The following PCDHA5 variants were observed in gnomAD, a reference collection of about 807,000 sequenced individuals.
PCDHA5 encodes protocadherin alpha 5.
PCDHA5 carries 43 observed loss-of-function variants against 61.6 expected under a neutral mutation model. That is an observed-to-expected ratio of 0.70 (90% CI 0.55 to 0.90). PCDHA5 has a LOEUF of 0.90. PCDHA5 is among the 40% of genes least tolerant of loss of function. PCDHA5 has a pLI of 0.00. For missense variants in PCDHA5, 1,298 were observed against 1,222.7 expected (o/e 1.06, Z -0.92); for synonymous variants, 627 against 543.9 (o/e 1.15, Z -2.13).
At chr5:140,971,615 G>C (rs2096488487) in intron 1 of PCDHA5, among the ~76,000 whole-genome samples, 1 of 152,030 alleles carries the variant, frequency 6.6e-6, no homozygotes, top group East Asian at 1.9e-4. Flanking sequence ...GGAGAGTCCT[G>C]GGGTACAATT....
At chr5:140,884,148 A>G in intron 1 of PCDHA5, 3 of 1,613,432 alleles carry the variant, frequency 1.9e-6, no homozygotes, top group Non-Finnish European at 2.5e-6. Context: ...GTGGGGCTGT[A>G]CACTGGCGAG....
chr5:140,948,189 G>A (rs1032631604), intron 1 of PCDHA5, among the ~76,000 whole-genome samples: 4 of 151,532 alleles, frequency 2.6e-5, no homozygotes, highest in African/African-American at 9.7e-5. Context: ...ATCCCACTTA[G>A]TCATGATATA....
chr5:140,829,380 G>A, intron 1 of PCDHA5: 1 of 1,614,112 alleles, frequency 6.2e-7, no homozygotes, highest in Non-Finnish European at 8.5e-7. Flanking sequence ...GCGCGGGACG[G>A]GGGCTCGCCT....
At chr5:140,856,372 C>T in intron 1 of PCDHA5, 3 of 1,598,462 alleles carry the variant, frequency 1.9e-6, no homozygotes, top group Non-Finnish European at 2.6e-6. Context: ...TGGAGGTGAT[C>T]GTGGACAGGC....
intron 3 of PCDHA5, among the ~76,000 whole-genome samples, chr5:140,995,404 A>G (rs941348184): frequency 1.3e-5 from 2 of 152,184 alleles, no homozygotes; most frequent in Admixed American, 6.5e-5. Flanking sequence ...ATGGCTCGAG[A>G]TTTCATCACA....
At chr5:140,985,945 T>C (rs1432402407) in intron 3 of PCDHA5, among the ~76,000 whole-genome samples, 1 of 152,080 alleles carries the variant, frequency 6.6e-6, no homozygotes, top group Non-Finnish European at 1.5e-5. Flanking sequence ...TTCACTGTGT[T>C]AGCCAGGATG....
At chr5:140,985,217 G>A (rs1196051994) in intron 3 of PCDHA5, among the ~76,000 whole-genome samples, 3 of 152,206 alleles carry the variant, frequency 2.0e-5, no homozygotes, top group Admixed American at 1.3e-4. Context: ...GATTACAGGC[G>A]TGAGCCACCG....
In PCDHA5 at chr5:141,010,358, C is replaced by G; in HGVS notation, c.*421C>G. 1 of 1,488,620 alleles carries G rather than the reference C, an allele frequency of 6.7e-7. No homozygotes were observed. The highest frequency in any genetic ancestry group is 1.3e-5 in the South Asian group (1 of 76,158). 92.2% of individuals were successfully genotyped at this position (1,488,620 alleles called of 1,614,324 possible). On this transcript the variant is annotated 3_prime_UTR_variant, in exon 4 of 4. Transcript: ENST00000529859. ...GTGGCCACTGGGTATGTGTGGCTAC[C>G]GCGGGTATGCGAGTGCCAGATATTG...
chr5:140,834,241 G>C, intron 1 of PCDHA5: 1 of 811,066 alleles, frequency 1.2e-6, no homozygotes, highest in Non-Finnish European at 1.9e-6. Flanking sequence ...ATTCCTTTTC[G>C]CACTGGAAAG....
intron 1 of PCDHA5, among the ~76,000 whole-genome samples, chr5:140,855,276 C>T (rs991955993): frequency 1.3e-5 from 2 of 149,614 alleles, no homozygotes; most frequent in Non-Finnish European, 3.0e-5. Flanking sequence ...CACTCAACCA[C>T]CGTATTACTA....
Position 140,915,626 on chromosome 5 carries a change from G to GTCTCTCTC in PCDHA5, c.2353-63300_2353-63293dup, listed in dbSNP as rs57920489. Among the ~76,000 whole-genome samples the GTCTCTCTC allele has an allele frequency of 4.4e-3, 648 of 146,532 alleles. 6 individuals carry two copies. Among genetic ancestry groups the GTCTCTCTC allele is most frequent in the East Asian group, 0.011 (51 of 4,846 alleles). Reference sequence around the variant, plus strand: ...ACTTTCTGTCAAACAGTCTCTTTCTGTCTCTCTCTCTCTCTCTCTCTCTCT... The same window carrying GTCTCTCTC: ...ACTTTCTGTCAAACAGTCTCTTTCTGTCTCTCTCTCTCTCTCTCTCTCTCTCTCTCTCT... On this transcript the variant is annotated intron_variant, in intron 1 of 3. Transcript: ENST00000529859.
At chr5:140,919,359 G>T (rs188480486) in intron 1 of PCDHA5, among the ~76,000 whole-genome samples, 3 of 152,146 alleles carry the variant, frequency 2.0e-5, no homozygotes, top group African/African-American at 7.2e-5. Context: ...ATCTAAAAGT[G>T]TCTCCTGCAG....
rs1476497862 is a variant in PCDHA5 at position 140,947,129 on chromosome 5, T to TAGTAAAATG, written c.2353-31819_2353-31811dup. Among the ~76,000 whole-genome samples the TAGTAAAATG allele has an allele frequency of 1.0e-3, 152 of 151,378 alleles. 1 individual carries two copies. Among genetic ancestry groups the TAGTAAAATG allele is most frequent in the African/African-American group, 3.5e-3 (145 of 41,346 alleles). On this transcript the variant is annotated intron_variant, in intron 1 of 3. Transcript: ENST00000529859. The stretch of plus-strand genomic sequence containing the variant: ...TACGTGTCAATTAAAATAATAAAAA[T>TAGTAAAATG]AGTAAAATGTATAGTTACTTCCACG...
At chr5:140,993,023 G>C (rs2097537603) in intron 3 of PCDHA5, among the ~76,000 whole-genome samples, 1 of 152,146 alleles carries the variant, frequency 6.6e-6, no homozygotes. Flanking sequence ...AGCATCCCCT[G>C]TGGGCTCCGT....
At chr5:140,846,314 A>T (rs888599535) in intron 1 of PCDHA5, among the ~76,000 whole-genome samples, 1 of 148,000 alleles carries the variant, frequency 6.8e-6, no homozygotes, top group African/African-American at 2.5e-5. Context: ...CCATTTATGT[A>T]GAGTGTTGTA....
intron 1 of PCDHA5, chr5:140,862,303 T>C (rs2047298994): frequency 3.6e-6 from 1 of 279,072 alleles, no homozygotes; most frequent in South Asian, 4.0e-5. Flanking sequence ...CTCCACTGGG[T>C]ACCGTCATAG....
At chr5:140,889,347 T>A (rs531486529) in intron 1 of PCDHA5, among the ~76,000 whole-genome samples, 1 of 152,202 alleles carries the variant, frequency 6.6e-6, no homozygotes, top group South Asian at 2.1e-4. Context: ...GTGGGAATAT[T>A]TCTGATTACT....
chr5:141,006,789 CT>C (rs2098288759), intron 3 of PCDHA5, among the ~76,000 whole-genome samples: 2 of 152,026 alleles, frequency 1.3e-5, no homozygotes, highest in Admixed American at 6.5e-5. Flanking sequence ...GAATAATTAG[CT>C]TTGAACTTTC....
At chr5:140,957,221 C>T (rs1171404836) in intron 1 of PCDHA5, among the ~76,000 whole-genome samples, 3 of 151,984 alleles carry the variant, frequency 2.0e-5, no homozygotes, top group Non-Finnish European at 4.4e-5. Flanking sequence ...AAAAATTTGG[C>T]GAAGCATTTT....
Sources: allele counts gnomAD v4.1 joint callset (sites outside exome capture counted in the v4.1 genomes callset), GRCh38; gene constraint gnomAD v4.1.1; transcripts MANE v1.5; gene names NCBI Gene and HGNC (gene_info 2026-07-23, HGNC 2026-07-21).